FYB1: variants seen among roughly 807,000 people sequenced by gnomAD.
FYB1 encodes the protein FYN binding protein 1.
In FYB1, 41 loss-of-function variants were observed where a neutral mutation model predicts 94.1. The observed-to-expected ratio is 0.44, with a 90% CI of 0.34 to 0.57. The LOEUF is 0.57. Among genes scored for constraint, FYB1 ranks in the 20% least tolerant of loss-of-function variants. The pLI, the probability that FYB1 is intolerant of heterozygous loss-of-function variation, is 0.02. For missense variants in FYB1, 1,050 were observed against 976.8 expected (o/e 1.07, Z -1.00); for synonymous variants, 367 against 353.2 (o/e 1.04, Z -0.44).
At chr5:39,270,504 T>A (rs1752628865) in intron 1 of FYB1, 6 of 1,462,866 alleles carry the variant, frequency 4.1e-6, no homozygotes, top group Non-Finnish European at 1.8e-6. Flanking sequence ...CTCTGACTGT[T>A]CTATGCAGAG....
At chr5:39,213,351 T>C (rs536644585) in intron 1 of FYB1, among the ~76,000 whole-genome samples, 1 of 152,250 alleles carries the variant, frequency 6.6e-6, no homozygotes, top group Non-Finnish European at 1.5e-5. Context: ...CTAGTTTAAG[T>C]TCTCAGCTCA....
At position 39,153,574 on chromosome 5, in the gene FYB1, G is replaced by T. The variant is rs1262946177; in HGVS notation, c.1166C>A (p.Thr389Lys). ...TGGTGGAGGTGGTGGCAGGGAAGTT[G>T]TTGAGTAAGACGTCTGGCCTTTGCT... Reference protein sequence around the residue: ...STSKGQTSYSTTSLPPPPPSH... With the variant: ...STSKGQTSYSKTSLPPPPPSH... The change falls in exon 3 of 19, where the codon ACA becomes AAA. Residue 389 changes from threonine to lysine, a missense_variant. Physicochemically the swap from Thr to Lys is moderately conservative, Grantham distance 78. Transcript: ENST00000512982. 6.2e-7 allele frequency: 1 copy of T among 1,613,676 alleles called. No individual in the cohort carries two copies. Among genetic ancestry groups the T allele is most frequent in the Admixed American group, 1.7e-5 (1 of 59,986 alleles).
intron 10 of FYB1, among the ~76,000 whole-genome samples, chr5:39,128,962 A>T (rs1308468297): frequency 6.6e-6 from 1 of 152,152 alleles, no homozygotes; most frequent in Non-Finnish European, 1.5e-5. Flanking sequence ...TCTTTCACAG[A>T]ATAGGAAAAA....
chr5:39,173,560 A>C (rs762235824), intron 2 of FYB1, among the ~76,000 whole-genome samples: 1 of 152,076 alleles, frequency 6.6e-6, no homozygotes, highest in Non-Finnish European at 1.5e-5. Context: ...TTCTTCTAGG[A>C]TTTTTATAGT....
chr5:39,110,768 T>C (rs767769721), intron 16 of FYB1: 22 of 345,342 alleles, frequency 6.4e-5, no homozygotes, highest in Non-Finnish European at 9.9e-5. Context: ...CATTTATTGG[T>C]AAGTATTTTA....
intron 2 of FYB1, among the ~76,000 whole-genome samples, chr5:39,162,676 A>T (rs1744362717): frequency 6.6e-6 from 1 of 151,432 alleles, no homozygotes; most frequent in Non-Finnish European, 1.5e-5. Flanking sequence ...CAGAGACGCC[A>T]TCTCAAAAAA....
Position 39,141,141 on chromosome 5 carries a change from T to A in FYB1, c.1293A>T (p.Lys431Asn). 6.3e-7 allele frequency: 1 copy of A among 1,587,588 alleles called. No individual in the cohort carries two copies. Among genetic ancestry groups the A allele is most frequent in the Non-Finnish European group, 8.6e-7 (1 of 1,163,592 alleles). ...CTTGATTGTCTTCATTGACAGGGCT[T>A]CTGAAAACGAGAAAGAAGAAACAGT... ...PRNIKPPFDLKSPVNEDNQDG... is the reference protein window; with the variant it reads ...PRNIKPPFDLNSPVNEDNQDG... Residue 431 changes from lysine to asparagine, a missense_variant and splice_region_variant, in exon 4 of 19, where the codon AAA (lysine) becomes AAT (asparagine). Transcript: ENST00000512982.
intron 15 of FYB1, among the ~76,000 whole-genome samples, 157 bp from the exon 16 acceptor site, chr5:39,119,193 ACAT>A (rs927866281): frequency 2.0e-5 from 3 of 152,110 alleles, no homozygotes; most frequent in Non-Finnish European, 2.9e-5. Context: ...TGAGGGACAA[ACAT>A]CATTCATAAC....
intron 1 of FYB1, among the ~76,000 whole-genome samples, chr5:39,207,877 G>A (rs1404326895): frequency 6.6e-6 from 1 of 152,120 alleles, no homozygotes; most frequent in Non-Finnish European, 1.5e-5. Flanking sequence ...TAGAGGCCAG[G>A]GATGCTGCAC....
chr5:39,144,155 A>G (rs1327490599), intron 3 of FYB1, among the ~76,000 whole-genome samples: 1 of 152,246 alleles, frequency 6.6e-6, no homozygotes, highest in Non-Finnish European at 1.5e-5. Flanking sequence ...TGTCACATCA[A>G]TTTAAAATTT....
chr5:39,250,753 G>T (rs535213938), intron 1 of FYB1: 1 of 152,294 alleles, frequency 6.6e-6, no homozygotes, highest in Non-Finnish European at 1.5e-5. Flanking sequence ...GGTGATCTCT[G>T]GAAACTTCTG....
intron 3 of FYB1, among the ~76,000 whole-genome samples, chr5:39,151,747 C>T (rs1743271461): frequency 6.6e-6 from 1 of 152,100 alleles, no homozygotes. Context: ...TAGATCTTGA[C>T]TTGAGAGTGG....
At chr5:39,117,320 T>C (rs1739667492) in intron 16 of FYB1, among the ~76,000 whole-genome samples, 1 of 152,186 alleles carries the variant, frequency 6.6e-6, no homozygotes, top group Non-Finnish European at 1.5e-5. Flanking sequence ...ATTTAGAACA[T>C]TCAATTGGGT....
intron 1 of FYB1, among the ~76,000 whole-genome samples, chr5:39,234,901 G>T (rs903497949): frequency 4.6e-5 from 7 of 151,996 alleles, no homozygotes; most frequent in African/African-American, 1.7e-4. Context: ...GGGGTCGGGG[G>T]CAAGGGGTGG....
intron 6 of FYB1, chr5:39,138,038 A>G (rs773166459): frequency 3.2e-5 from 11 of 338,656 alleles, no homozygotes; most frequent in Non-Finnish European, 5.5e-5. Context: ...TCTCTTTCAT[A>G]TGCACACGTG....
At chr5:39,244,133 T>C (rs1751353598) in intron 1 of FYB1, among the ~76,000 whole-genome samples, 1 of 152,114 alleles carries the variant, frequency 6.6e-6, no homozygotes. Context: ...TACCCTTTAT[T>C]TCTTTCTTCT....
intron 1 of FYB1, among the ~76,000 whole-genome samples, chr5:39,240,758 G>A (rs1322187406): frequency 1.3e-5 from 2 of 152,186 alleles, no homozygotes; most frequent in African/African-American, 4.8e-5. Flanking sequence ...GGAAAGCAAT[G>A]TGGCAATTTC....
intron 1 of FYB1, among the ~76,000 whole-genome samples, chr5:39,259,930 T>A (rs1054878001): frequency 6.6e-6 from 1 of 152,028 alleles, no homozygotes; most frequent in African/African-American, 2.4e-5. Flanking sequence ...GGACATGGGA[T>A]GTTAGTGCTA....
intron 2 of FYB1, among the ~76,000 whole-genome samples, chr5:39,193,409 G>T (rs1392860801): frequency 6.6e-6 from 1 of 152,112 alleles, no homozygotes; most frequent in African/African-American, 2.4e-5. Flanking sequence ...AATAAGTCAA[G>T]GCAAACATTA....
Sources: allele counts gnomAD v4.1 joint callset (sites outside exome capture counted in the v4.1 genomes callset), GRCh38; gene constraint gnomAD v4.1.1; transcripts MANE v1.5; gene names NCBI Gene and HGNC (gene_info 2026-07-23, HGNC 2026-07-21).